The following FGF12 variants were observed in gnomAD, a reference collection of about 807,000 sequenced individuals.
FGF12 encodes the protein fibroblast growth factor 12.
Under a neutral mutation model 23.6 loss-of-function variants are expected in FGF12, and 14 were observed. The ratio of observed to expected loss-of-function variants is 0.59; its 90% CI spans 0.39 to 0.93. The LOEUF is 0.93. Ranked by LOEUF, FGF12 falls within the 40% of genes least tolerant of loss-of-function variation. FGF12 has a pLI of 0.00. For synonymous variants in FGF12, 62 were observed against 77.3 expected, an observed-to-expected ratio of 0.80 and a Z score of 1.04; for missense variants, 175 against 217.8, an observed-to-expected ratio of 0.80 and a Z score of 1.24.
intron 2 of FGF12, among the ~76,000 whole-genome samples, chr3:192,402,601 C>A (rs1720809300): frequency 6.6e-6 from 1 of 152,186 alleles, no homozygotes; most frequent in African/African-American, 2.4e-5. Flanking sequence ...CCATGTGACA[C>A]TTACTCATCT....
At chr3:192,656,743 A>G (rs2108680654) in intron 2 of FGF12, among the ~76,000 whole-genome samples, 1 of 152,318 alleles carries the variant, frequency 6.6e-6, no homozygotes, top group South Asian at 2.1e-4. Context: ...TATTTTTCAG[A>G]GTACCCAACA....
chr3:192,173,608 A>C (rs894087300), intron 4 of FGF12, among the ~76,000 whole-genome samples: 10 of 152,138 alleles, frequency 6.6e-5, no homozygotes, highest in African/African-American at 2.4e-4. Flanking sequence ...AAACAAACTA[A>C]TTAAAATAAT....
intron 2 of FGF12, among the ~76,000 whole-genome samples, chr3:192,652,033 G>A (rs1195363724): frequency 1.3e-5 from 2 of 152,090 alleles, no homozygotes; most frequent in Admixed American, 1.3e-4. Flanking sequence ...TATTTGCCAG[G>A]CACCTACTCT....
chr3:192,387,848 C>T (rs1299360362), intron 2 of FGF12, among the ~76,000 whole-genome samples: 1 of 152,188 alleles, frequency 6.6e-6, no homozygotes, highest in East Asian at 1.9e-4. Flanking sequence ...GATCATGCCA[C>T]TGCACTCCAG....
At chr3:192,500,901 T>G (rs1418056130) in intron 2 of FGF12, among the ~76,000 whole-genome samples, 1 of 152,114 alleles carries the variant, frequency 6.6e-6, no homozygotes, top group Non-Finnish European at 1.5e-5. Context: ...TTGTTCAAGA[T>G]CGCATAAGTG....
intron 4 of FGF12, among the ~76,000 whole-genome samples, chr3:192,286,846 A>T (rs79221509): frequency 0.028 from 4,260 of 152,118 alleles, 205 homozygotes; most frequent in African/African-American, 0.098. Context: ...TTAAGACACT[A>T]TATATCTGCT....
At chr3:192,376,186 A>G (rs4453795) in intron 2 of FGF12, among the ~76,000 whole-genome samples, 68,965 of 151,520 alleles carry the variant, frequency 0.46, 16,212 homozygotes, top group African/African-American at 0.58. Flanking sequence ...ATCTCACTCA[A>G]TGTTTTCCAT....
At chr3:192,637,806 G>C (rs1230242816) in intron 2 of FGF12, among the ~76,000 whole-genome samples, 1 of 152,200 alleles carries the variant, frequency 6.6e-6, no homozygotes, top group African/African-American at 2.4e-5. Flanking sequence ...TTGTTGGAAA[G>C]TACTTAACTG....
intron 5 of FGF12, among the ~76,000 whole-genome samples, chr3:192,169,160 G>A (rs190995074): frequency 6.6e-6 from 1 of 152,218 alleles, no homozygotes; most frequent in African/African-American, 2.4e-5. Context: ...GGCCAACATG[G>A]CGAAATCCTG....
At chr3:192,150,159 GTTGT>G (rs1339261045) in intron 5 of FGF12, among the ~76,000 whole-genome samples, 1 of 67,912 alleles carries the variant, frequency 1.5e-5, no homozygotes, top group Non-Finnish European at 3.0e-5. Flanking sequence ...TTTTGATGGG[GTTGT>G]TTGTTTTTTT....
intron 2 of FGF12, among the ~76,000 whole-genome samples, chr3:192,548,592 G>A (rs1261490715): frequency 1.3e-5 from 2 of 152,070 alleles, no homozygotes; most frequent in African/African-American, 2.4e-5. Flanking sequence ...CTCATCTACC[G>A]TGTCTAAGAT....
chr3:192,449,563 G>C (rs967765915), intron 2 of FGF12, among the ~76,000 whole-genome samples: 5 of 152,132 alleles, frequency 3.3e-5, no homozygotes, highest in African/African-American at 9.7e-5. Context: ...CTAGAATGCA[G>C]TTTCTCCAAC....
intron 2 of FGF12, among the ~76,000 whole-genome samples, chr3:192,380,832 C>T (rs1351166072): frequency 1.3e-5 from 2 of 152,036 alleles, no homozygotes; most frequent in African/African-American, 4.8e-5. Flanking sequence ...ATAATGCAAA[C>T]CCCACGTAAG....
At chr3:192,454,879 C>T (rs370379862) in intron 2 of FGF12, among the ~76,000 whole-genome samples, 6 of 152,280 alleles carry the variant, frequency 3.9e-5, no homozygotes, top group African/African-American at 1.4e-4. Flanking sequence ...AACAATAAGA[C>T]GGACATTACA....
At chr3:192,191,918 G>C (rs1008951104) in intron 4 of FGF12, among the ~76,000 whole-genome samples, 2 of 152,120 alleles carry the variant, frequency 1.3e-5, no homozygotes, top group Admixed American at 1.3e-4. Flanking sequence ...CAGAGTAGGG[G>C]AAAGGTTCCC....
At chr3:192,420,560 G>T (rs1450072627) in intron 2 of FGF12, among the ~76,000 whole-genome samples, 4 of 152,154 alleles carry the variant, frequency 2.6e-5, no homozygotes, top group Non-Finnish European at 5.9e-5. Context: ...TAGTTCATGT[G>T]AGAGTTAATT....
At chr3:192,663,498 T>C (rs981878598) in intron 2 of FGF12, among the ~76,000 whole-genome samples, 2 of 152,134 alleles carry the variant, frequency 1.3e-5, no homozygotes, top group Non-Finnish European at 2.9e-5. Context: ...CATAAAATCT[T>C]AGGCAGATGA....
chr3:192,194,935 A>G (rs1716985215), intron 4 of FGF12, among the ~76,000 whole-genome samples: 1 of 152,228 alleles, frequency 6.6e-6, no homozygotes, highest in Non-Finnish European at 1.5e-5. Context: ...TTTGGGTCAG[A>G]TATCGTGCAA....
intron 4 of FGF12, among the ~76,000 whole-genome samples, chr3:192,253,501 T>C (rs1030737899): frequency 6.6e-6 from 1 of 152,080 alleles, no homozygotes; most frequent in Non-Finnish European, 1.5e-5. Context: ...AATTTAGCTT[T>C]AGTTAACAGT....
Sources: allele counts gnomAD v4.1 joint callset (sites outside exome capture counted in the v4.1 genomes callset), GRCh38; gene constraint gnomAD v4.1.1; transcripts MANE v1.5; gene names NCBI Gene and HGNC (gene_info 2026-07-23, HGNC 2026-07-21).